LMNA: variants seen among roughly 807,000 people sequenced by gnomAD.
The protein encoded by LMNA is lamin A/C.
A neutral mutation model predicts 70.4 loss-of-function variants in LMNA; 20 were observed. The ratio of observed to expected loss-of-function variants is 0.28; its 90% CI spans 0.20 to 0.41. LMNA has a LOEUF of 0.41. LMNA is among the 10% of genes least tolerant of loss of function. The pLI, the probability that LMNA is intolerant of heterozygous loss-of-function variation, is 1.00. For synonymous variants in LMNA, 339 were observed against 372.8 expected (o/e 0.91, Z 1.04); for missense variants, 652 against 917.2 (o/e 0.71, Z 3.73).
chr1:156,126,543 C>A (rs751409587), intron 1 of LMNA: 17 of 741,954 alleles, frequency 2.3e-5, no homozygotes, highest in Admixed American at 3.7e-5. Flanking sequence ...TGTGCTGGTG[C>A]CTTTCTTCCC....
chr1:156,132,923 TCTG>T (rs1422367365), intron 2 of LMNA, among the ~76,000 whole-genome samples: 1 of 141,988 alleles, frequency 7.0e-6, no homozygotes, highest in East Asian at 2.3e-4. Context: ...CACTGCAACC[TCTG>T]TCTCCCAGGT....
chr1:156,092,740 C>T (rs1648754571), intron 3 of LMNA, among the ~76,000 whole-genome samples: 1 of 151,930 alleles, frequency 6.6e-6, no homozygotes, highest in Non-Finnish European at 1.5e-5. Context: ...CTTAGTTCCC[C>T]GTTGCCATCA....
At chr1:156,099,696 A>G (rs1649069403) in intron 3 of LMNA, among the ~76,000 whole-genome samples, 1 of 151,988 alleles carries the variant, frequency 6.6e-6, no homozygotes, top group Non-Finnish European at 1.5e-5. Context: ...AGCCTGGCCA[A>G]CATGGCGAAA....
intron 3 of LMNA, among the ~76,000 whole-genome samples, chr1:156,101,708 G>C (rs1649150896): frequency 6.6e-6 from 1 of 152,072 alleles, no homozygotes; most frequent in African/African-American, 2.4e-5. Context: ...AGAAAGGATG[G>C]GAGCAGAGGC....
chr1:156,105,685 G>C (rs1649305693), intron 3 of LMNA, among the ~76,000 whole-genome samples: 1 of 152,128 alleles, frequency 6.6e-6, no homozygotes, highest in African/African-American at 2.4e-5. Context: ...ACCCGAAGAG[G>C]AGCCCTGCCA....
rs201936898 is a variant in LMNA, at chr1:156,137,707, G to C, written c.1662G>C (p.Glu554Asp). The C allele has an allele frequency of 6.4e-7, 1 of 1,555,114 alleles. No homozygotes were observed. The highest frequency in any genetic ancestry group is 8.7e-7 in the Non-Finnish European group (1 of 1,148,940). ...VRSVTVVEDD[E>D]DEDGDDLLHH... is the part of the protein sequence containing the mutation. ...CAGTGACTGTGGTTGAGGACGACGA[G>C]GATGAGGATGGAGATGACCTGCTCC... The change falls in exon 10 of 12, where the codon GAG becomes GAC. Residue 554 changes from glutamate to aspartate, a missense_variant. By Grantham distance (45) the Glu-to-Asp change is conservative. Around this residue, in one of 4 missense-constraint regions of LMNA, gnomAD observed 327 missense variants for 387.6 expected, o/e 0.84. Coordinates refer to ENST00000368300, the MANE Select transcript of LMNA (RefSeq NM_170707.4). This position sits in a 1 kb window ranked among gnomAD's most constrained non-coding sequence, Gnocchi z 4.6.
At chr1:156,085,161 G>A (rs948742356) in intron 2 of LMNA, among the ~76,000 whole-genome samples, 3 of 152,238 alleles carry the variant, frequency 2.0e-5, no homozygotes, top group Non-Finnish European at 2.9e-5. Flanking sequence ...ATATGTGTGC[G>A]AATGCAGTTA....
Position 156,115,381 on chromosome 1 carries a change from A to G in LMNA, c.356+107A>G. 9.9e-7 allele frequency: 1 copy of G among 1,012,006 alleles called. No individual in the cohort carries two copies. Among genetic ancestry groups the G allele is most frequent in the African/African-American group, 1.6e-5 (1 of 63,060 alleles). 62.7% of individuals were successfully genotyped at this position (1,012,006 alleles called of 1,614,324 possible). On this transcript the variant is annotated intron_variant, in intron 1 of 11. Coordinates refer to ENST00000368300, the MANE Select transcript of LMNA (RefSeq NM_170707.4). The surrounding 1 kb of genome is among the most constrained non-coding windows in gnomAD (Gnocchi z 5.8). ...GAGTGAGAGGGCCTGGAGGCCGATA[A>G]CTTTGCCATAGTCTCCTCCCTCCCC...
At chr1:156,088,878 T>C (rs1009536457) in intron 2 of LMNA, among the ~76,000 whole-genome samples, 1 of 152,228 alleles carries the variant, frequency 6.6e-6, no homozygotes, top group African/African-American at 2.4e-5. Flanking sequence ...GGTCTCAATC[T>C]CCTGACCTCA....
chr1:156,131,265 C>T (rs1028586522), intron 2 of LMNA, among the ~76,000 whole-genome samples: 12 of 149,422 alleles, frequency 8.0e-5, no homozygotes, highest in East Asian at 6.0e-4. Context: ...AGTGAGACTC[C>T]GTCTCAAAAA....
At chr1:156,086,393 ACTCTCTCT>A (rs55740793) in intron 2 of LMNA, among the ~76,000 whole-genome samples, 42 of 146,404 alleles carry the variant, frequency 2.9e-4, no homozygotes, top group East Asian at 8.2e-4. Flanking sequence ...GTGACCTCTG[ACTCTCTCT>A]CTCTCTCTCT....
intron 2 of LMNA, among the ~76,000 whole-genome samples, chr1:156,132,837 C>CTTTT (rs34451254): frequency 2.1e-5 from 2 of 93,078 alleles, no homozygotes; most frequent in African/African-American, 4.3e-5. Context: ...CTCTCTCTCT[C>CTTTT]TTTTTTTTTT....
At chr1:156,128,308 A>G (rs1305880452) in intron 1 of LMNA, among the ~76,000 whole-genome samples, 1 of 152,200 alleles carries the variant, frequency 6.6e-6, no homozygotes, top group Non-Finnish European at 1.5e-5. Context: ...TTCTGTGCTC[A>G]TCAGCCCATA....
At position 156,103,383 on chromosome 1, in the gene LMNA, G is replaced by A. The variant is rs553893559; in HGVS notation, c.-206-11330G>A. Among the ~76,000 whole-genome samples the A allele has an allele frequency of 7.6e-3, 1,158 of 152,240 alleles. 6 individuals carry two copies. Among genetic ancestry groups the A allele is most frequent in the Non-Finnish European group, 0.013 (879 of 67,998 alleles). Reference sequence around the variant, plus strand: ...CGCCAAGGAAGAGGGCCCCCAGTATGCCCCTCTTGTGTGCTGGGCCCTCGC... The same window carrying A: ...CGCCAAGGAAGAGGGCCCCCAGTATACCCCTCTTGTGTGCTGGGCCCTCGC... On this transcript the variant is annotated intron_variant, in intron 3 of 12. Transcript: ENST00000368301. This position sits in a 1 kb window ranked among gnomAD's most constrained non-coding sequence, Gnocchi z 4.7.
intron 1 of LMNA, among the ~76,000 whole-genome samples, chr1:156,128,359 A>G (rs1308091833): frequency 2.0e-5 from 3 of 152,204 alleles, no homozygotes; most frequent in African/African-American, 7.2e-5. Context: ...TGTTTTCCTC[A>G]GTCAGTGTCT....
At chr1:156,098,932 T>C (rs1649041146) in intron 3 of LMNA, among the ~76,000 whole-genome samples, 1 of 152,188 alleles carries the variant, frequency 6.6e-6, no homozygotes, top group Non-Finnish European at 1.5e-5. Flanking sequence ...TGTAGACCCC[T>C]GGGGTGCCCA....
At chr1:156,131,275 A>T (rs953686267) in intron 2 of LMNA, among the ~76,000 whole-genome samples, 5 of 150,764 alleles carry the variant, frequency 3.3e-5, no homozygotes, top group East Asian at 2.0e-4. Context: ...CGTCTCAAAA[A>T]AATAATAATA....
At chr1:156,086,497 G>A (rs947750550) in intron 2 of LMNA, among the ~76,000 whole-genome samples, 2 of 151,708 alleles carry the variant, frequency 1.3e-5, no homozygotes, top group African/African-American at 4.8e-5. Flanking sequence ...GAGTTGTTTA[G>A]TACATACACA....
Position 156,136,086 on chromosome 1 carries a change from C to G in LMNA, c.1122C>G (p.His374Gln), listed in dbSNP as rs143715750. The G allele has an allele frequency of 2.5e-6, 4 of 1,613,928 alleles. No individual in the cohort carries two copies. Among genetic ancestry groups the G allele is most frequent in the Non-Finnish European group, 3.4e-6 (4 of 1,180,046 alleles). Reference protein sequence around the residue: ...DIKLALDMEIHAYRKLLEGEE... With the variant: ...DIKLALDMEIQAYRKLLEGEE... ...AGCTGGCCCTGGACATGGAGATCCA[C>G]GCCTACCGCAAGCTCTTGGAGGGCG... is the stretch of plus-strand genomic sequence containing the variant. Residue 374 changes from histidine to glutamine, a missense_variant, in exon 6 of 12, where the codon CAC becomes CAG. This residue lies in a region of LMNA where 33 missense variants were observed against 75.3 expected (regional missense o/e 0.44). Transcript: ENST00000368300. The surrounding 1 kb of genome is among the most constrained non-coding windows in gnomAD (Gnocchi z 6.1).
Sources: allele counts gnomAD v4.1 joint callset (sites outside exome capture counted in the v4.1 genomes callset), GRCh38; gene constraint gnomAD v4.1.1; regional missense constraint gnomAD v4.1.1; non-coding constraint Gnocchi (gnomAD v3.1); transcripts MANE v1.5; gene names NCBI Gene and HGNC (gene_info 2026-07-23, HGNC 2026-07-21).